Variants in PCDH15 observed in about 807,000 individuals in gnomAD.
PCDH15 encodes the protein protocadherin related 15, also known as protocadherin-15.
PCDH15 carries 129 observed loss-of-function variants against 178.5 expected under a neutral mutation model. That is an observed-to-expected ratio of 0.72 (90% confidence interval 0.63 to 0.84). PCDH15 has a LOEUF of 0.84. PCDH15 is among the 40% of genes least tolerant of loss of function. The probability of loss-of-function intolerance (pLI) is 0.00; values close to 1 mark genes in which losing one functional copy is unlikely to be tolerated. For synonymous variants in PCDH15, 800 were observed against 732.0 expected, an observed-to-expected ratio of 1.09 and a Z score of -1.50; for missense variants, 2,230 against 2,099.9, an observed-to-expected ratio of 1.06 and a Z score of -1.21.
intron 2 of PCDH15, among the ~76,000 whole-genome samples, chr10:55,494,430 T>G (rs557961625): frequency 3.3e-5 from 5 of 151,800 alleles, no homozygotes; most frequent in Admixed American, 6.6e-5. Flanking sequence ...GTTTAATATA[T>G]TCATTTGTAA....
chr10:54,971,699 A>T (rs538860630), intron 2 of PCDH15, among the ~76,000 whole-genome samples: 1 of 152,328 alleles, frequency 6.6e-6, no homozygotes, highest in East Asian at 1.9e-4. Context: ...CTTCAAATTA[A>T]TTTGCGTATC....
At chr10:54,870,464 G>C (rs1003783362) in intron 3 of PCDH15, among the ~76,000 whole-genome samples, 3 of 152,068 alleles carry the variant, frequency 2.0e-5, no homozygotes, top group African/African-American at 7.2e-5. Flanking sequence ...AAGTCACTGA[G>C]TTAGTTTGCA....
At chr10:54,155,429 C>G (rs1003797163) in intron 13 of PCDH15, among the ~76,000 whole-genome samples, 7 of 152,048 alleles carry the variant, frequency 4.6e-5, no homozygotes, top group African/African-American at 1.7e-4. Flanking sequence ...AGGTAGAAAG[C>G]TTAACAAGTA....
At chr10:54,774,257 T>C (rs558443400) in intron 1 of PCDH15, among the ~76,000 whole-genome samples, 2 of 152,096 alleles carry the variant, frequency 1.3e-5, no homozygotes, top group African/African-American at 2.4e-5. Flanking sequence ...CTCGATCTCC[T>C]GACCTCGTGA....
At chr10:54,809,542 C>T (rs935293687) in intron 3 of PCDH15, among the ~76,000 whole-genome samples, 4 of 152,072 alleles carry the variant, frequency 2.6e-5, no homozygotes, top group African/African-American at 9.7e-5. Context: ...TAGAGGAATG[C>T]TTATTACACA....
chr10:55,251,027 G>A (rs1841823372), intron 1 of PCDH15, among the ~76,000 whole-genome samples: 1 of 151,840 alleles, frequency 6.6e-6, no homozygotes, highest in Non-Finnish European at 1.5e-5. Flanking sequence ...GCAGTTGTAG[G>A]AAAAAAATAC....
rs1046683851 is a variant in PCDH15, at chr10:54,998,964, G to T, written c.-79-101464C>A. 4.6e-5 allele frequency among the ~76,000 whole-genome samples: 7 copies of T among 152,028 alleles called. No homozygotes were observed. In the East Asian group the frequency reaches 1.3e-3, roughly 29 times the overall value. On this transcript the variant is annotated intron_variant, in intron 2 of 5. Transcript: ENST00000458638. Reference sequence around the variant, plus strand: ...CTGAGTAAGATAAAATGTGGGGGTTGCTTTCCTGTTTATTTTGTTTTGCTT... The same window carrying T: ...CTGAGTAAGATAAAATGTGGGGGTTTCTTTCCTGTTTATTTTGTTTTGCTT...
intron 25 of PCDH15, among the ~76,000 whole-genome samples, chr10:53,923,263 T>C (rs1012432578): frequency 2.6e-5 from 4 of 152,204 alleles, no homozygotes; most frequent in African/African-American, 4.8e-5. Context: ...TTTAAGATAT[T>C]ACATAGGGGA....
At chr10:55,040,487 A>AAAC (rs1461507109) in intron 2 of PCDH15, among the ~76,000 whole-genome samples, 1 of 127,748 alleles carries the variant, frequency 7.8e-6, no homozygotes, top group African/African-American at 2.7e-5. Flanking sequence ...AAAAAAACCA[A>AAAC]AACAACTACA....
intron 9 of PCDH15, among the ~76,000 whole-genome samples, chr10:54,217,133 C>T (rs2052170255): frequency 1.3e-5 from 2 of 152,084 alleles, no homozygotes; most frequent in Non-Finnish European, 2.9e-5. Flanking sequence ...AGGATAAACA[C>T]TGAAACTAAA....
chr10:54,261,658 T>TG (rs1564813514), intron 8 of PCDH15, among the ~76,000 whole-genome samples: 8 of 151,238 alleles, frequency 5.3e-5, no homozygotes, highest in African/African-American at 1.9e-4. Flanking sequence ...ATTCTATTCT[T>TG]AACACACATA....
At chr10:55,589,096 A>AAG (rs1842785035) in intron 2 of PCDH15, among the ~76,000 whole-genome samples, 1 of 151,694 alleles carries the variant, frequency 6.6e-6, no homozygotes, top group Admixed American at 6.6e-5. Flanking sequence ...AAAAAAAAAA[A>AAG]AAAAAGAAAG....
chr10:54,354,703 A>G (rs1474764585), intron 5 of PCDH15, among the ~76,000 whole-genome samples: 2 of 152,150 alleles, frequency 1.3e-5, no homozygotes, highest in Non-Finnish European at 2.9e-5. Context: ...AAATCACTTA[A>G]TTATACCTAG....
chr10:55,166,046 T>C (rs1839188535), intron 2 of PCDH15, among the ~76,000 whole-genome samples: 1 of 152,146 alleles, frequency 6.6e-6, no homozygotes, highest in Non-Finnish European at 1.5e-5. Context: ...ATAAAAGCTA[T>C]TTCTTCTGTA....
At chr10:54,756,096 C>A (rs914771662) in intron 1 of PCDH15, among the ~76,000 whole-genome samples, 176 of 146,626 alleles carry the variant, frequency 1.2e-3, no homozygotes, top group Non-Finnish European at 1.7e-3. Context: ...CACACACACA[C>A]AAAATTAGCT....
intron 3 of PCDH15, among the ~76,000 whole-genome samples, chr10:54,398,966 C>T (rs1246684923): frequency 6.6e-6 from 1 of 152,054 alleles, no homozygotes; most frequent in Non-Finnish European, 1.5e-5. Flanking sequence ...TTACACCAAA[C>T]AGTATGTTCT....
At chr10:54,139,515 A>C (rs908901859) in intron 14 of PCDH15, among the ~76,000 whole-genome samples, 1 of 152,098 alleles carries the variant, frequency 6.6e-6, no homozygotes, top group African/African-American at 2.4e-5. Flanking sequence ...ATTAAGAAAA[A>C]GTTATGGGGA....
chr10:54,961,210 G>C (rs926973350), intron 2 of PCDH15, among the ~76,000 whole-genome samples: 10 of 152,212 alleles, frequency 6.6e-5, no homozygotes, highest in African/African-American at 2.4e-4. Flanking sequence ...CCAGGGTGCT[G>C]CTGTGACCTG....
chr10:54,665,706 A>T (rs2094560654), intron 1 of PCDH15, among the ~76,000 whole-genome samples: 2 of 151,998 alleles, frequency 1.3e-5, no homozygotes. Context: ...TATGAAGTCT[A>T]TTCTTCTTTG....
Sources: gnomAD v4.1 joint callset for allele counts (sites outside exome capture counted in the v4.1 genomes callset) on GRCh38, gnomAD v4.1.1 for gene constraint, MANE v1.5 for transcripts, NCBI Gene and HGNC (gene_info 2026-07-23, HGNC 2026-07-21) for gene names.